NEB: variants seen among roughly 807,000 people sequenced by gnomAD.
The protein encoded by NEB is nebulin.
Under a neutral mutation model 952.2 loss-of-function variants are expected in NEB, and 512 were observed. The observed-to-expected ratio is 0.54, with a 90% CI of 0.50 to 0.58. NEB has a LOEUF of 0.58. Ranked by LOEUF, NEB falls within the 20% of genes least tolerant of loss-of-function variation. The pLI is 0.00. For missense variants in NEB, 8,428 were observed against 9,231.1 expected (o/e 0.91, Z 3.56); for synonymous variants, 2,900 against 3,149.8 (o/e 0.92, Z 2.66).
chr2:151,650,139 G>A (rs1236789392), intron 54 of NEB, 37 bp downstream of exon 54: 2 of 1,585,648 alleles, frequency 1.3e-6, no homozygotes, highest in African/African-American at 1.3e-5. Flanking sequence ...CTAGGTAGCA[G>A]GCACTATAAT....
At position 151,627,123 on chromosome 2, in the gene NEB, C is replaced by T; in HGVS notation, c.10226G>A (p.Arg3409Lys). 2 of 1,613,946 alleles carry T rather than the reference C, an allele frequency of 1.2e-6. No homozygotes were observed. Among genetic ancestry groups the T allele is most frequent in the Non-Finnish European group, 1.7e-6 (2 of 1,179,872 alleles). Residue 3409 changes from arginine to lysine, a missense_variant, in exon 70 of 182, where the codon AGA (arginine) becomes AAA (lysine). This residue lies in a region of NEB where 1,772 missense variants were observed against 1,960.3 expected (regional missense o/e 0.90). Transcript: ENST00000397345. ...IGSMDVVKCK[R>K]AAEILSDNIY... ...GTTATCACTCAGTATTTCAGCAGCT[C>T]TCTTGCACTTGACCACATCCATAGA... is the stretch of plus-strand genomic sequence containing the variant.
rs181826071 is a variant in NEB at position 151,546,334 on chromosome 2, T to C, written c.20466+11A>G. The C allele has an allele frequency of 2.2e-3, 3,499 of 1,606,068 alleles. 6 individuals carry two copies. The highest frequency in any genetic ancestry group is 2.6e-3 in the Non-Finnish European group (3,000 of 1,174,814). On this transcript the variant is annotated intron_variant, in intron 134 of 181. Transcript: ENST00000397345. ...GGGGGGTAATTATGCATTGTGATGA[T>C]GTGCACTCACCCAGAGCTTCCGCAG... is the stretch of plus-strand genomic sequence containing the variant.
intron 120 of NEB, 97 bp from the exon 121 acceptor site, chr2:151,562,311 T>C: frequency 9.3e-7 from 1 of 1,078,376 alleles, no homozygotes; most frequent in Non-Finnish European, 1.4e-6. Context: ...TGCTTATTGC[T>C]TAGAAGACAT....
At chr2:151,630,901 C>A in intron 66 of NEB, 82 bp from the exon 67 acceptor site, 1 of 1,303,226 alleles carries the variant, frequency 7.7e-7, no homozygotes. Context: ...TTATTACTGA[C>A]CTAATTAGGA....
chr2:151,730,512 C>T (rs1398865552), intron 3 of NEB, among the ~76,000 whole-genome samples: 1 of 150,966 alleles, frequency 6.6e-6, no homozygotes, highest in Non-Finnish European at 1.5e-5. Context: ...GGAATCCTGT[C>T]CTTAGCCTCA....
chr2:151,554,428 G>A (rs1044748759), intron 125 of NEB, among the ~76,000 whole-genome samples: 2 of 152,106 alleles, frequency 1.3e-5, no homozygotes, highest in Non-Finnish European at 2.9e-5. Context: ...GTGTGGTGGT[G>A]CATGCCTGTA....
In NEB at chr2:151,606,498, A is replaced by C; in HGVS notation, c.12747+108T>G. 3.4e-6 allele frequency: 2 copies of C among 586,226 alleles called. 1 individual carries two copies. The highest frequency in any genetic ancestry group is 3.5e-5 in the South Asian group (2 of 56,398). 36.3% of individuals were successfully genotyped at this position (586,226 alleles called of 1,614,324 possible). On this transcript the variant is annotated intron_variant, in intron 84 of 181. Coordinates refer to ENST00000397345, the MANE Select transcript of NEB (RefSeq NM_001164508.2). ...TACAGAAAGCTTCTAGCACAGGATG[A>C]GATGAATTCTATGCACAGATTTTTT... is the stretch of plus-strand genomic sequence containing the variant.
chr2:151,538,570 T>G (rs926984447), intron 138 of NEB, among the ~76,000 whole-genome samples: 7 of 151,990 alleles, frequency 4.6e-5, no homozygotes, highest in Admixed American at 6.6e-5. Context: ...TCTGTACAAT[T>G]TCGGTAAATC....
Position 151,492,223 on chromosome 2 carries a change from T to G in NEB, c.24932A>C (p.Asp8311Ala). ...HKGCFTPVVT[D>A]PITERVKKNM... ...CTTCTTTACTCGTTCAGTGATAGGA[T>G]CTGTCACCACTGGTGTGAAGCAACC... is the stretch of plus-strand genomic sequence containing the variant. The change falls in exon 178 of 182, where the codon GAT becomes GCT. Residue 8311 changes from aspartate to alanine, a missense_variant. By Grantham distance (126) the Asp-to-Ala change is moderately radical (BLOSUM62 -2). This residue lies in a region of NEB where 3,374 missense variants were observed against 3,651.5 expected (regional missense o/e 0.92). Transcript: ENST00000397345. 6.2e-7 allele frequency: 1 copy of G among 1,613,916 alleles called. No individual in the cohort carries two copies. Among genetic ancestry groups the G allele is most frequent in the Non-Finnish European group, 8.5e-7 (1 of 1,179,816 alleles).
chr2:151,498,436 G>A, intron 169 of NEB, 84 bp from the exon 170 acceptor site: 1 of 920,414 alleles, frequency 1.1e-6, no homozygotes, highest in Non-Finnish European at 1.7e-6. Flanking sequence ...GGAGTGGGAA[G>A]GGAGGAAGAG....
chr2:151,593,639 GC>G (rs1348899967), intron 93 of NEB, among the ~76,000 whole-genome samples: 3 of 101,404 alleles, frequency 3.0e-5, no homozygotes, highest in African/African-American at 6.3e-5. Context: ...TATCCATCCT[GC>G]CCCCCATCTC....
chr2:151,727,277 C>T (rs2099794319), intron 5 of NEB, among the ~76,000 whole-genome samples: 1 of 152,068 alleles, frequency 6.6e-6, no homozygotes, highest in Non-Finnish European at 1.5e-5. Flanking sequence ...CACTATACAC[C>T]TCTTTACATA....
intron 158 of NEB, 25 bp from the exon 159 acceptor site, chr2:151,514,453 A>G: frequency 3.3e-6 from 5 of 1,526,532 alleles, no homozygotes; most frequent in East Asian, 2.3e-5. Context: ...AAAAGCAACA[A>G]CATTGACAAG....
At chr2:151,654,774 A>AGTTACCCAG (rs1046017478) in intron 51 of NEB, among the ~76,000 whole-genome samples, 2 of 152,202 alleles carry the variant, frequency 1.3e-5, no homozygotes, top group African/African-American at 4.8e-5. Context: ...TAGGTAATTG[A>AGTTACCCAG]GTTACCCAGT....
In NEB at chr2:151,554,020, C is replaced by T. The variant is rs1559861003; in HGVS notation, c.19434G>A (p.Leu6478=). ...TGTTCTTTTCATAAACTGATCTGTA[C>T]AGGCGCTGTAAAGTTAAAATCACAT... is the stretch of plus-strand genomic sequence containing the variant. ...LRVGKLNIDR[L]YRSVYEKNKM... Residue 6478 remains leucine, a synonymous_variant, in exon 126 of 182, where the codon CTG becomes CTA. Coordinates refer to ENST00000397345, the MANE Select transcript of NEB (RefSeq NM_001164508.2). The T allele has an allele frequency of 1.9e-6, 3 of 1,613,554 alleles. No individual in the cohort carries two copies. The highest frequency in any genetic ancestry group is 2.2e-5 in the East Asian group (1 of 44,858).
intron 171 of NEB, chr2:151,497,298 T>C (rs2060880382): frequency 2.1e-6 from 2 of 971,966 alleles, no homozygotes; most frequent in African/African-American, 3.5e-5. Context: ...TTTTTCCTTT[T>C]TTGTGAGTAC....
At chr2:151,639,523 C>T (rs375407146) in intron 62 of NEB, 139 bp from the exon 63 acceptor site, 52 of 616,338 alleles carry the variant, frequency 8.4e-5, no homozygotes, top group East Asian at 4.3e-4. Flanking sequence ...TGCACATCTT[C>T]GGGTAATAAG....
intron 142 of NEB, among the ~76,000 whole-genome samples, chr2:151,533,919 A>C (rs988919424): frequency 3.9e-5 from 6 of 152,100 alleles, no homozygotes; most frequent in African/African-American, 1.4e-4. Flanking sequence ...TTGCTTTTGC[A>C]ACTCAATCTG....
At chr2:151,690,056 A>G (rs1443523783) in intron 24 of NEB, 1 of 152,682 alleles carries the variant, frequency 6.5e-6, no homozygotes, top group Non-Finnish European at 1.5e-5. Context: ...AGCATCACCT[A>G]GGAGCTTATT....
Sources: allele counts gnomAD v4.1 joint callset (sites outside exome capture counted in the v4.1 genomes callset), GRCh38; gene constraint gnomAD v4.1.1; regional missense constraint gnomAD v4.1.1; transcripts MANE v1.5; gene names NCBI Gene and HGNC (gene_info 2026-07-23, HGNC 2026-07-21).